NKAIN3: variants seen among roughly 807,000 people sequenced by gnomAD.
NKAIN3 encodes sodium/potassium-transporting ATPase subunit beta-1-interacting protein 3.
Under a neutral mutation model 30.2 loss-of-function variants are expected in NKAIN3, and 25 were observed. The observed-to-expected ratio is 0.83, with a 90% CI of 0.60 to 1.16. The LOEUF is 1.16. Among genes scored for constraint, NKAIN3 ranks in the 50% most tolerant of loss-of-function variants. The probability of loss-of-function intolerance (pLI) is 0.00; values close to 1 mark genes in which losing one functional copy is unlikely to be tolerated. For synonymous variants in NKAIN3, 91 were observed against 89.6 expected, an observed-to-expected ratio of 1.02 and a Z score of -0.09; for missense variants, 225 against 254.1, an observed-to-expected ratio of 0.89 and a Z score of 0.78.
intron 5 of NKAIN3, among the ~76,000 whole-genome samples, chr8:62,923,388 C>CAAATAA (rs1396754910): frequency 6.6e-6 from 1 of 151,986 alleles, no homozygotes; most frequent in Non-Finnish European, 1.5e-5. Context: ...TTTCTGGGCC[C>CAAATAA]AACAACTCAG....
chr8:62,624,866 T>A (rs1351736654), intron 3 of NKAIN3, among the ~76,000 whole-genome samples: 1 of 151,950 alleles, frequency 6.6e-6, no homozygotes, highest in Non-Finnish European at 1.5e-5. Flanking sequence ...TCAGAGATTA[T>A]TTTCTCATCA....
chr8:62,989,026 A>G (rs1170346354), downstream of NKAIN3, among the ~76,000 whole-genome samples: 1 of 152,210 alleles, frequency 6.6e-6, no homozygotes, highest in Non-Finnish European at 1.5e-5. Flanking sequence ...GTAAAGAACA[A>G]CCTTTATTCC....
intron 4 of NKAIN3, among the ~76,000 whole-genome samples, chr8:62,817,822 G>T (rs4559235): frequency 0.092 from 14,052 of 152,106 alleles, 674 homozygotes; most frequent in African/African-American, 0.1. Context: ...AACTTTCACA[G>T]CCACTGCTGG....
chr8:62,261,645 A>C (rs1166699266), intron 1 of NKAIN3, among the ~76,000 whole-genome samples: 2 of 152,330 alleles, frequency 1.3e-5, no homozygotes, highest in East Asian at 3.9e-4. Flanking sequence ...AGGCTGGGAT[A>C]ATCTGCATTT....
chr8:62,418,229 T>C (rs562715305), intron 1 of NKAIN3, among the ~76,000 whole-genome samples: 2 of 152,268 alleles, frequency 1.3e-5, no homozygotes, highest in East Asian at 3.9e-4. Flanking sequence ...TCAAAAATCA[T>C]AGAGCTATCA....
intron 1 of NKAIN3, among the ~76,000 whole-genome samples, chr8:62,494,492 G>T (rs1445431538): frequency 1.3e-5 from 2 of 152,036 alleles, no homozygotes; most frequent in African/African-American, 4.8e-5. Flanking sequence ...TATTTGTTGT[G>T]TCTCTGCCAG....
intron 2 of NKAIN3, among the ~76,000 whole-genome samples, chr8:62,584,849 G>A (rs150922696): frequency 1.3e-5 from 2 of 152,280 alleles, no homozygotes; most frequent in East Asian, 3.9e-4. Flanking sequence ...TGTCATCATT[G>A]CTTCGCTACC....
chr8:62,743,179 A>G (rs1181382085), intron 3 of NKAIN3, among the ~76,000 whole-genome samples: 1 of 152,184 alleles, frequency 6.6e-6, no homozygotes, highest in Non-Finnish European at 1.5e-5. Flanking sequence ...GGTAACTAAA[A>G]GCTTCAACAA....
In NKAIN3 at chr8:62,981,110, C is replaced by A. The variant is rs148137221; in HGVS notation, c.*15703C>A. ...TCAGGGTAGTGTTGAGAAGATAACTCCTGGTCCCATTTTATTCTTTCCTCA... is the reference window on the plus strand; with the variant it reads ...TCAGGGTAGTGTTGAGAAGATAACTACTGGTCCCATTTTATTCTTTCCTCA... On this transcript the variant is annotated 3_prime_UTR_variant, in exon 7 of 7. Coordinates refer to ENST00000623646, the MANE Select transcript of NKAIN3 (RefSeq NM_001304533.3). The A allele has an allele frequency of 5.8e-4, 89 of 152,298 alleles. 1 individual carries two copies. The highest frequency in any genetic ancestry group is 2.1e-3 in the African/African-American group (88 of 41,562). The allele number at this position is 152,298 out of a possible 1,614,324, so 9.4% of individuals were successfully genotyped here. A position where few individuals can be genotyped will look rare whatever the true frequency, so the allele number is the denominator to read the frequency against.
At chr8:62,393,574 T>C (rs1341599069) in intron 1 of NKAIN3, among the ~76,000 whole-genome samples, 9 of 151,912 alleles carry the variant, frequency 5.9e-5, no homozygotes, top group Non-Finnish European at 7.4e-5. Flanking sequence ...ATTTTTAAGC[T>C]TTTCTAGATT....
At chr8:62,617,867 G>A (rs1871590) in intron 3 of NKAIN3, among the ~76,000 whole-genome samples, 73,181 of 151,964 alleles carry the variant, frequency 0.48, 20,694 homozygotes, top group African/African-American at 0.79. Flanking sequence ...TAGGCAGAGG[G>A]AAGGCTAAGA....
intron 3 of NKAIN3, among the ~76,000 whole-genome samples, chr8:62,633,775 T>C (rs1475763312): frequency 1.3e-5 from 2 of 152,076 alleles, no homozygotes; most frequent in Non-Finnish European, 2.9e-5. Context: ...CCCCACCTGT[T>C]AGAAACCCCT....
At position 62,972,358 on chromosome 8, in the gene NKAIN3, A is replaced by G. The variant is rs1334752425; in HGVS notation, c.*6951A>G. ...GGAATTAATAAAATTTTTTGTAATT[A>G]TAAATATGTATATATTGGGGGGCAA... On this transcript the variant is annotated 3_prime_UTR_variant, in exon 7 of 7. Coordinates refer to ENST00000623646, the MANE Select transcript of NKAIN3 (RefSeq NM_001304533.3). 6.6e-6 allele frequency among the ~76,000 whole-genome samples: 1 copy of G among 152,176 alleles called. No individual in the cohort carries two copies. Among genetic ancestry groups the G allele is most frequent in the Non-Finnish European group, 1.5e-5 (1 of 68,026 alleles).
chr8:62,662,452 C>T lies in NKAIN3; in HGVS notation c.273+72658C>T, dbSNP rs116851673. 6.6e-5 allele frequency among the ~76,000 whole-genome samples: 10 copies of T among 152,318 alleles called. No homozygotes were observed. The East Asian group carries it at 1.9e-3, about 29-fold the overall frequency. ...ACCAATAATCCATCCATGACTGACT[C>T]CACAATTCTACTCTTTCTCTTCCCC... On this transcript the variant is annotated intron_variant, in intron 3 of 6. Transcript: ENST00000623646.
chr8:62,311,417 A>G lies in NKAIN3; in HGVS notation c.54+62290A>G, dbSNP rs551542881. 5.3e-5 allele frequency among the ~76,000 whole-genome samples: 8 copies of G among 150,356 alleles called. No individual in the cohort carries two copies. The East Asian group carries it at 1.5e-3, about 29-fold the overall frequency. On this transcript the variant is annotated intron_variant, in intron 1 of 6. Transcript: ENST00000623646. Reference sequence around the variant, plus strand: ...ATGGGACCTATTTATATGGTCCAGAAACTGGGGCCTACGGATTTAAGTAGT... The same window carrying G: ...ATGGGACCTATTTATATGGTCCAGAGACTGGGGCCTACGGATTTAAGTAGT...
chr8:62,369,445 AT>A (rs1816837297), intron 1 of NKAIN3, among the ~76,000 whole-genome samples: 2 of 152,052 alleles, frequency 1.3e-5, no homozygotes, highest in Non-Finnish European at 2.9e-5. Context: ...TCTGTAAATG[AT>A]TTGACTCCTT....
At chr8:62,815,466 C>T (rs1387374721) in intron 4 of NKAIN3, among the ~76,000 whole-genome samples, 1 of 152,080 alleles carries the variant, frequency 6.6e-6, no homozygotes, top group Admixed American at 6.6e-5. Context: ...ATGCAAAAAT[C>T]CTCAATAAAA....
chr8:62,955,081 C>A (rs1585618908), intron 6 of NKAIN3, among the ~76,000 whole-genome samples: 1 of 152,310 alleles, frequency 6.6e-6, no homozygotes. Context: ...CTCCCTCACC[C>A]AGCATATGTG....
At chr8:62,520,118 A>G (rs1198987364) in intron 1 of NKAIN3, among the ~76,000 whole-genome samples, 1 of 152,122 alleles carries the variant, frequency 6.6e-6, no homozygotes. Context: ...CCCACCTTAG[A>G]TTTGTAGCAA....
Sources: gnomAD v4.1 joint callset for allele counts (sites outside exome capture counted in the v4.1 genomes callset) on GRCh38, gnomAD v4.1.1 for gene constraint, MANE v1.5 for transcripts, NCBI Gene and HGNC (gene_info 2026-07-23, HGNC 2026-07-21) for gene names.